The following ELF2 variants were observed in gnomAD, a reference collection of about 807,000 sequenced individuals.
ELF2 encodes ETS-related transcription factor Elf-2.
ELF2 carries 11 observed loss-of-function variants against 54.8 expected under a neutral mutation model. That is an observed-to-expected ratio of 0.20 (90% CI 0.13 to 0.33). ELF2 has a LOEUF of 0.33. Ranked by LOEUF, ELF2 falls within the 10% of genes least tolerant of loss-of-function variation. The pLI, the probability that ELF2 is intolerant of heterozygous loss-of-function variation, is 1.00. For missense variants in ELF2, 513 were observed against 703.0 expected, an observed-to-expected ratio of 0.73 and a Z score of 3.06; for synonymous variants, 203 against 245.1, an observed-to-expected ratio of 0.83 and a Z score of 1.61.
At chr4:139,076,958 C>T (rs912661902) in intron 4 of ELF2, among the ~76,000 whole-genome samples, 24 of 152,044 alleles carry the variant, frequency 1.6e-4, no homozygotes, top group Admixed American at 2.6e-4. Context: ...TTTAAATTTA[C>T]GATGACAACA....
At chr4:139,098,503 C>T (rs1733526058) in intron 4 of ELF2, among the ~76,000 whole-genome samples, 1 of 148,832 alleles carries the variant, frequency 6.7e-6, no homozygotes, top group Non-Finnish European at 1.5e-5. Context: ...GAGCTTCACT[C>T]TGTCACCCAG....
In ELF2 at chr4:139,057,372, C is replaced by T. The variant is rs894847381; in HGVS notation, c.*1611G>A. On this transcript the variant is annotated 3_prime_UTR_variant, in exon 10 of 10. Transcript: ENST00000686138. ...AAGTAGTATGTGATCAATTAAAAGA[C>T]AAAAAATATTATGTATGAGTTCATC... 3 of 152,058 alleles carry T rather than the reference C, an allele frequency of 2.0e-5. No individual in the cohort carries two copies. Among genetic ancestry groups the T allele is most frequent in the South Asian group, 2.1e-4 (1 of 4,830 alleles). 9.4% of individuals were successfully genotyped at this position (152,058 alleles called of 1,614,324 possible). A position where few individuals can be genotyped will look rare whatever the true frequency, so the allele number is the denominator to read the frequency against.
At position 139,057,372 on chromosome 4, in the gene ELF2, CA is replaced by C. The variant is rs1560739882; in HGVS notation, c.*1610del. 2.0e-5 allele frequency: 3 copies of C among 152,058 alleles called. No homozygotes were observed. The highest frequency in any genetic ancestry group is 4.8e-5 in the African/African-American group (2 of 41,428). The allele number at this position is 152,058 out of a possible 1,614,324, so 9.4% of individuals were successfully genotyped here. ...AAGTAGTATGTGATCAATTAAAAGA[CA>C]AAAAATATTATGTATGAGTTCATCT... is the stretch of plus-strand genomic sequence containing the variant. On this transcript the variant is annotated 3_prime_UTR_variant, in exon 10 of 10. Coordinates refer to ENST00000686138, the MANE Select transcript of ELF2 (RefSeq NM_001331036.3).
chr4:139,165,180 G>A (rs886442617), intron 1 of ELF2, among the ~76,000 whole-genome samples: 5 of 152,172 alleles, frequency 3.3e-5, no homozygotes, highest in Admixed American at 2.0e-4. Context: ...CTTTAGAAGG[G>A]TTAAGGGTTT....
rs73852772 is a variant in ELF2 at position 139,139,620 on chromosome 4, C to T, written c.-251-123G>A. On this transcript the variant is annotated intron_variant, in intron 1 of 9. Transcript: ENST00000686138. ...ACAAATCACTTCCAAAGCCATATGT[C>T]GCACATTCACATAAGGAATATAATA... is the stretch of plus-strand genomic sequence containing the variant. 9.8e-3 allele frequency: 3,739 copies of T among 382,172 alleles called. 114 individuals carry two copies. The highest frequency in any genetic ancestry group is 0.069 in the African/African-American group (3,280 of 47,782). The allele number at this position is 382,172 out of a possible 1,614,324, so 23.7% of individuals were successfully genotyped here. A position where few individuals can be genotyped will look rare whatever the true frequency, so the allele number is the denominator to read the frequency against.
intron 1 of ELF2, among the ~76,000 whole-genome samples, chr4:139,157,210 G>C (rs1740637280): frequency 6.6e-6 from 1 of 152,108 alleles, no homozygotes; most frequent in Non-Finnish European, 1.5e-5. Flanking sequence ...TAACACAATG[G>C]AAAGTATTTG....
intron 4 of ELF2, among the ~76,000 whole-genome samples, chr4:139,123,906 A>T (rs2148833360): frequency 6.6e-6 from 1 of 152,360 alleles, no homozygotes; most frequent in Middle Eastern, 3.4e-3. Context: ...AAGAAAATTC[A>T]ACTCTGCCAC....
Position 139,073,584 on chromosome 4 carries a change from T to A in ELF2, c.239-17A>T. ...ATGCTTCCACTGGAGGAAAAATAAG[T>A]TCTACTCAATTAAAAATACACTAAA... On this transcript the variant is annotated splice_polypyrimidine_tract_variant and intron_variant, in intron 4 of 9. Transcript: ENST00000686138. The A allele has an allele frequency of 6.8e-7, 1 of 1,464,610 alleles. No homozygotes were observed. The highest frequency in any genetic ancestry group is 9.2e-7 in the Non-Finnish European group (1 of 1,082,798). 90.7% of individuals were successfully genotyped at this position (1,464,610 alleles called of 1,614,324 possible). A position where few individuals can be genotyped will look rare whatever the true frequency, so the allele number is the denominator to read the frequency against.
chr4:139,099,867 T>A (rs1328654412), intron 4 of ELF2, among the ~76,000 whole-genome samples: 1 of 152,208 alleles, frequency 6.6e-6, no homozygotes, highest in South Asian at 2.1e-4. Context: ...TTTAAGAATA[T>A]CAGCCAAGGC....
In ELF2 at chr4:139,058,670, G is replaced by A. The variant is rs1167849111; in HGVS notation, c.*313C>T. The A allele has an allele frequency of 3.9e-6, 1 of 259,244 alleles. No homozygotes were observed. The highest frequency in any genetic ancestry group is 7.3e-6 in the Non-Finnish European group (1 of 136,166). 16.1% of individuals were successfully genotyped at this position (259,244 alleles called of 1,614,324 possible). On this transcript the variant is annotated 3_prime_UTR_variant, in exon 10 of 10. Transcript: ENST00000686138. Reference sequence around the variant, plus strand: ...ACTGAAAACTATATAACCTCTTACAGAATGTTAGTGTTCCAAGTCTTAGTG... The same window carrying A: ...ACTGAAAACTATATAACCTCTTACAAAATGTTAGTGTTCCAAGTCTTAGTG...
chr4:139,150,980 C>CCG (rs1739822658), intron 1 of ELF2, among the ~76,000 whole-genome samples: 2 of 145,130 alleles, frequency 1.4e-5, no homozygotes. Flanking sequence ...GCCGAGATCG[C>CCG]ACCACTGCAC....
At chr4:139,147,337 C>A (rs563333345) in intron 1 of ELF2, among the ~76,000 whole-genome samples, 10 of 152,304 alleles carry the variant, frequency 6.6e-5, no homozygotes, top group African/African-American at 2.2e-4. Context: ...CACAATGACA[C>A]ACCATCTTAC....
At chr4:139,087,655 T>G (rs928982483) in intron 4 of ELF2, among the ~76,000 whole-genome samples, 1 of 151,994 alleles carries the variant, frequency 6.6e-6, no homozygotes, top group Non-Finnish European at 1.5e-5. Context: ...TTAGTAGAGA[T>G]GGGGTTTGAC....
In ELF2 at chr4:139,114,813, G is replaced by A. The variant is rs1222312267; in HGVS notation, c.238+10351C>T. On this transcript the variant is annotated intron_variant, in intron 4 of 9. Coordinates refer to ENST00000686138, the MANE Select transcript of ELF2 (RefSeq NM_001331036.3). ...AGAGACCCCTGGGCCAGGGGCACGA[G>A]GAGCCCTGCTCATGGCACCAGGCCT... The A allele has an allele frequency of 2.6e-6, 4 of 1,547,980 alleles. No homozygotes were observed. The African/African-American group carries it at 5.5e-5, about 21-fold the overall frequency.
chr4:139,063,074 A>G (rs957701375), intron 7 of ELF2, among the ~76,000 whole-genome samples: 3 of 152,186 alleles, frequency 2.0e-5, no homozygotes, highest in African/African-American at 7.2e-5. Context: ...CCTGGCCAAC[A>G]TGGTGAAACC....
rs72724742 is a variant in ELF2, at chr4:139,156,646, C to T, written c.-251-17149G>A. The stretch of plus-strand genomic sequence containing the variant: ...TTTGTTGTTGTTGTTGTTGTTGTTG[C>T]TGTTGTTGTTAAAGACAGAGTCTCA... On this transcript the variant is annotated intron_variant, in intron 1 of 9. Transcript: ENST00000686138. Among the ~76,000 whole-genome samples the T allele has an allele frequency of 3.5e-4, 52 of 150,564 alleles. 1 individual carries two copies. The highest frequency in any genetic ancestry group is 5.6e-4 in the African/African-American group (23 of 40,890).
chr4:139,129,770 A>G (rs999225743), intron 3 of ELF2, among the ~76,000 whole-genome samples: 2 of 152,154 alleles, frequency 1.3e-5, no homozygotes, highest in Non-Finnish European at 2.9e-5. Context: ...TTTGCCCTCA[A>G]CTTTAGAGGG....
intron 4 of ELF2, among the ~76,000 whole-genome samples, chr4:139,079,123 T>A (rs1172980212): frequency 6.6e-6 from 1 of 151,200 alleles, no homozygotes; most frequent in East Asian, 1.9e-4. Context: ...GAGACGAGGG[T>A]CTCACTATGT....
chr4:139,125,054 C>A, intron 4 of ELF2, 110 bp downstream of exon 4: 1 of 1,337,350 alleles, frequency 7.5e-7, no homozygotes, highest in South Asian at 1.5e-5. Context: ...CCAAGCTATA[C>A]TAAATAGCAT....
Sources: gnomAD v4.1 joint callset for allele counts (sites outside exome capture counted in the v4.1 genomes callset) on GRCh38, gnomAD v4.1.1 for gene constraint, MANE v1.5 for transcripts, NCBI Gene and HGNC (gene_info 2026-07-23, HGNC 2026-07-21) for gene names.